Variants in RAP1GAP2 observed in about 807,000 individuals in gnomAD.
The protein encoded by RAP1GAP2 is RAP1 GTPase activating protein 2, also known as rap1 GTPase-activating protein 2.
Under a neutral mutation model 95.0 loss-of-function variants are expected in RAP1GAP2, and 27 were observed. That is an observed-to-expected ratio of 0.28 (90% CI 0.21 to 0.39). The LOEUF is 0.39. RAP1GAP2 is among the 10% of genes least tolerant of loss of function. RAP1GAP2 has a pLI of 1.00. For missense variants in RAP1GAP2, 771 were observed against 970.0 expected (o/e 0.79, Z 2.72); for synonymous variants, 373 against 380.9 (o/e 0.98, Z 0.24).
chr17:3,009,462 G>C (rs2151617183), intron 17 of RAP1GAP2, among the ~76,000 whole-genome samples: 1 of 152,348 alleles, frequency 6.6e-6, no homozygotes, highest in South Asian at 2.1e-4. Flanking sequence ...AAGCCTCAAA[G>C]AGACAGAATC....
chr17:2,937,934 T>C (rs1026280969), intron 3 of RAP1GAP2, among the ~76,000 whole-genome samples: 4 of 152,186 alleles, frequency 2.6e-5, no homozygotes, highest in African/African-American at 9.7e-5. Flanking sequence ...TCCTGGCCTC[T>C]GTTCTCCCTT....
intron 3 of RAP1GAP2, among the ~76,000 whole-genome samples, chr17:2,949,489 C>T (rs1378738226): frequency 5.3e-5 from 8 of 151,046 alleles, no homozygotes; most frequent in Admixed American, 3.3e-4. Flanking sequence ...TGTTGTGTGC[C>T]CTGAGCATTA....
At chr17:2,876,111 G>A (rs1163316260) in intron 2 of RAP1GAP2, among the ~76,000 whole-genome samples, 1 of 151,692 alleles carries the variant, frequency 6.6e-6, no homozygotes, top group Non-Finnish European at 1.5e-5. Flanking sequence ...CTAATTTTTT[G>A]TATTTTTAGT....
chr17:2,943,079 A>C (rs935678656), intron 3 of RAP1GAP2, among the ~76,000 whole-genome samples: 5 of 151,962 alleles, frequency 3.3e-5, no homozygotes, highest in Non-Finnish European at 7.4e-5. Flanking sequence ...TAGTTCCAAA[A>C]TATTTGATCA....
intron 3 of RAP1GAP2, among the ~76,000 whole-genome samples, chr17:2,955,689 G>A (rs1023837103): frequency 1.3e-5 from 2 of 151,468 alleles, no homozygotes; most frequent in African/African-American, 2.4e-5. Flanking sequence ...TCGTTTTTTT[G>A]ATCATTAATT....
intron 2 of RAP1GAP2, among the ~76,000 whole-genome samples, chr17:2,880,654 G>A (rs1441938990): frequency 1.3e-5 from 2 of 150,270 alleles, no homozygotes; most frequent in African/African-American, 2.4e-5. Flanking sequence ...CCCCCATCCC[G>A]AAGCAACTAC....
At position 3,005,470 on chromosome 17, in the gene RAP1GAP2, C is replaced by T. The variant is rs543063893; in HGVS notation, c.1272+30C>T. On this transcript the variant is annotated intron_variant, in intron 15 of 24. Transcript: ENST00000254695. The surrounding 1 kb of genome is among the most constrained non-coding windows in gnomAD (Gnocchi z 5.2). ...GACACTCTTCCTTCTGCCCCTCTCG[C>T]ATCCACGATGCCAGGTCTCAGTGCT... is the stretch of plus-strand genomic sequence containing the variant. 60 of 1,587,552 alleles carry T rather than the reference C, an allele frequency of 3.8e-5. 1 individual carries two copies. In the South Asian group the frequency reaches 6.3e-4, roughly 17 times the overall value.
chr17:2,896,424 C>G (rs1295955491), intron 2 of RAP1GAP2, among the ~76,000 whole-genome samples: 2 of 152,124 alleles, frequency 1.3e-5, no homozygotes, highest in Non-Finnish European at 2.9e-5. Flanking sequence ...GGAAGGAGCA[C>G]CGGAATGGGA....
chr17:2,859,108 C>CTT lies in RAP1GAP2; in HGVS notation c.81-46157_81-46156dup, dbSNP rs773356177. On this transcript the variant is annotated intron_variant, in intron 2 of 24. Transcript: ENST00000254695. Reference sequence around the variant, plus strand: ...TCTTAATCTGTATTTTCCTCCAACTCTTTTTTTTTTTTTTTTTTTTGAGAC... The same window carrying CTT: ...TCTTAATCTGTATTTTCCTCCAACTCTTTTTTTTTTTTTTTTTTTTTTGAGAC... Among the ~76,000 whole-genome samples the CTT allele has an allele frequency of 1.2e-3, 152 of 130,442 alleles. 1 individual carries two copies. The highest frequency in any genetic ancestry group is 1.6e-3 in the Non-Finnish European group (97 of 61,188). 85.6% of individuals were successfully genotyped at this position (130,442 alleles called of 152,430 possible).
In RAP1GAP2 at chr17:3,027,608, G is replaced by A. The variant is rs1228975420; in HGVS notation, c.2107+538G>A. Among the ~76,000 whole-genome samples the A allele has an allele frequency of 2.0e-5, 3 of 148,306 alleles. No individual in the cohort carries two copies. The East Asian group carries it at 5.8e-4, about 29-fold the overall frequency. On this transcript the variant is annotated intron_variant, in intron 22 of 24. Coordinates refer to ENST00000254695, the MANE Select transcript of RAP1GAP2 (RefSeq NM_015085.5). The surrounding 1 kb of genome is among the most constrained non-coding windows in gnomAD (Gnocchi z 5.2). ...CGTCAGAGAGGCCGGAGCGTTGACA[G>A]GCTGGGTCAGCCCCGGGCCCCGGGT...
chr17:2,905,025 G>A (rs563753722), intron 2 of RAP1GAP2, among the ~76,000 whole-genome samples: 1 of 152,272 alleles, frequency 6.6e-6, no homozygotes, highest in Admixed American at 6.5e-5. Context: ...GGGACTACAG[G>A]CGTGCACCAC....
chr17:2,904,543 T>TGTGTGC lies in RAP1GAP2; in HGVS notation c.81-736_81-735insCGTGTG, dbSNP rs2042132260. Among the ~76,000 whole-genome samples, 1 of 150,656 alleles carries TGTGTGC rather than the reference T, an allele frequency of 6.6e-6. No homozygotes were observed. Among genetic ancestry groups the TGTGTGC allele is most frequent in the Admixed American group, 6.6e-5 (1 of 15,090 alleles). On this transcript the variant is annotated intron_variant, in intron 2 of 24. Coordinates refer to ENST00000254695, the MANE Select transcript of RAP1GAP2 (RefSeq NM_015085.5). This position sits in a 1 kb window ranked among gnomAD's most constrained non-coding sequence, Gnocchi z 4.7. ...TTTGACCAGGGCCTGTGTGTGTGTG[T>TGTGTGC]GTGTGTGTGTGTGTGTGTGTGTGTG...
At chr17:2,993,683 G>C (rs2045856272) in intron 12 of RAP1GAP2, among the ~76,000 whole-genome samples, 1 of 152,034 alleles carries the variant, frequency 6.6e-6, no homozygotes, top group Non-Finnish European at 1.5e-5. Context: ...TTCTTATATT[G>C]CCACCTTCCA....
At chr17:2,896,340 G>C (rs1319161963) in intron 2 of RAP1GAP2, among the ~76,000 whole-genome samples, 1 of 152,130 alleles carries the variant, frequency 6.6e-6, no homozygotes, top group Non-Finnish European at 1.5e-5. Flanking sequence ...ACAAGAAGAC[G>C]TTTGGCCACT....
chr17:3,036,638 GATGGGGGCTGTGTA>G lies in RAP1GAP2; in HGVS notation c.*3286_*3299del, dbSNP rs2047472967. 6.6e-6 allele frequency: 1 copy of G among 152,278 alleles called. No homozygotes were observed. The highest frequency in any genetic ancestry group is 1.5e-5 in the Non-Finnish European group (1 of 68,076). The allele number at this position is 152,278 out of a possible 1,614,324, so 9.4% of individuals were successfully genotyped here. A position where few individuals can be genotyped will look rare whatever the true frequency, so the allele number is the denominator to read the frequency against. On this transcript the variant is annotated 3_prime_UTR_variant, in exon 25 of 25. Transcript: ENST00000254695. ...CAGTGGGATCGGTTCTTCAGCTCCT[GATGGGGGCTGTGTA>G]ATGGGGGCAGAGGCCAGGGAAAAAG... is the stretch of plus-strand genomic sequence containing the variant.
At chr17:2,955,145 G>C (rs989412128) in intron 3 of RAP1GAP2, among the ~76,000 whole-genome samples, 1 of 152,132 alleles carries the variant, frequency 6.6e-6, no homozygotes, top group African/African-American at 2.4e-5. Flanking sequence ...ATATTCCTGG[G>C]GGTCGAATTG....
At chr17:2,835,737 T>C (rs551417449) in intron 2 of RAP1GAP2, among the ~76,000 whole-genome samples, 2 of 152,264 alleles carry the variant, frequency 1.3e-5, no homozygotes, top group South Asian at 4.1e-4. Flanking sequence ...TATAAATAAA[T>C]ATAGAACAGC....
chr17:2,862,962 A>AT (rs1416955846), intron 2 of RAP1GAP2, among the ~76,000 whole-genome samples: 4 of 146,104 alleles, frequency 2.7e-5, no homozygotes, highest in Non-Finnish European at 6.0e-5. Flanking sequence ...GCACCACTGA[A>AT]CTCCAGCCTG....
chr17:2,898,669 C>T (rs904358370), intron 2 of RAP1GAP2, among the ~76,000 whole-genome samples: 2 of 152,226 alleles, frequency 1.3e-5, no homozygotes, highest in South Asian at 2.1e-4. Context: ...TCCCTGCCCC[C>T]GTCCACCTCT....
Sources: allele counts gnomAD v4.1 joint callset (sites outside exome capture counted in the v4.1 genomes callset), GRCh38; gene constraint gnomAD v4.1.1; non-coding constraint Gnocchi (gnomAD v3.1); transcripts MANE v1.5; gene names NCBI Gene and HGNC (gene_info 2026-07-23, HGNC 2026-07-21).